Variants in BBS9 observed in about 807,000 individuals in gnomAD.
BBS9 encodes the protein protein PTHB1.
BBS9 carries 89 observed loss-of-function variants against 117.7 expected under a neutral mutation model. The observed-to-expected ratio is 0.76, with a 90% CI of 0.64 to 0.90. BBS9 has a LOEUF of 0.90. Ranked by LOEUF, BBS9 falls within the 40% of genes least tolerant of loss-of-function variation. The pLI, the probability that BBS9 is intolerant of heterozygous loss-of-function variation, is 0.00. For synonymous variants in BBS9, 379 were observed against 370.9 expected, an observed-to-expected ratio of 1.02 and a Z score of -0.25; for missense variants, 982 against 1,042.2, an observed-to-expected ratio of 0.94 and a Z score of 0.80.
At position 33,531,859 on chromosome 7, in the gene BBS9, CG is replaced by C. The variant is rs913247076; in HGVS notation, c.2299-2094del. 8.3e-4 allele frequency among the ~76,000 whole-genome samples: 126 copies of C among 152,260 alleles called. 2 individuals carry two copies. Among genetic ancestry groups the C allele is most frequent in the African/African-American group, 2.9e-3 (120 of 41,538 alleles). ...CAGCTATGCCTAGGCAGATGGTTGC[CG>C]TTGTATAAATGATCCTGGGAAAACC... is the stretch of plus-strand genomic sequence containing the variant. On this transcript the variant is annotated intron_variant, in intron 20 of 22. Transcript: ENST00000242067.
At chr7:33,243,023 C>T in intron 5 of BBS9, 5 of 516,992 alleles carry the variant, frequency 9.7e-6, no homozygotes, top group Non-Finnish European at 1.9e-5. Flanking sequence ...TCTTGACGTT[C>T]CCAAGTTATA....
chr7:33,634,798 G>A (rs1866064452), intron 21 of BBS9, among the ~76,000 whole-genome samples: 2 of 152,228 alleles, frequency 1.3e-5, no homozygotes, highest in African/African-American at 2.4e-5. Context: ...GTAAGAACTT[G>A]AAAGCCATCA....
intron 4 of BBS9, among the ~76,000 whole-genome samples, chr7:33,168,811 T>A (rs544439034): frequency 4.1e-4 from 62 of 152,298 alleles, no homozygotes; most frequent in African/African-American, 1.1e-3. Context: ...TGCTTTTTTT[T>A]ATTTATTTTT....
downstream of BBS9, among the ~76,000 whole-genome samples, chr7:33,608,522 T>C (rs1353757049): frequency 1.3e-5 from 2 of 152,100 alleles, no homozygotes; most frequent in Non-Finnish European, 2.9e-5. Context: ...CATTTCCTTT[T>C]CCCCACAGCC....
intron 21 of BBS9, among the ~76,000 whole-genome samples, chr7:33,584,598 G>A (rs111650856): frequency 0.042 from 6,353 of 151,868 alleles, 158 homozygotes; most frequent in South Asian, 0.056. Context: ...TTGAGATTCC[G>A]TTTTGATATA....
At chr7:33,563,019 G>A (rs1359593874) in intron 21 of BBS9, among the ~76,000 whole-genome samples, 1 of 152,150 alleles carries the variant, frequency 6.6e-6, no homozygotes, top group Non-Finnish European at 1.5e-5. Flanking sequence ...ATGTCATGTT[G>A]ATGCAATGGA....
intron 19 of BBS9, among the ~76,000 whole-genome samples, chr7:33,450,987 C>G (rs1164069034): frequency 6.6e-6 from 1 of 151,806 alleles, no homozygotes; most frequent in East Asian, 1.9e-4. Flanking sequence ...CTCCTGGGTT[C>G]ATGCCATTCT....
intron 9 of BBS9, among the ~76,000 whole-genome samples, chr7:33,278,288 G>A (rs1409837967): frequency 6.6e-6 from 1 of 152,172 alleles, no homozygotes; most frequent in East Asian, 1.9e-4. Context: ...CATAGTTGTG[G>A]TATGGGTTGC....
At chr7:33,241,047 G>C (rs1280623227) in intron 5 of BBS9, among the ~76,000 whole-genome samples, 3 of 152,096 alleles carry the variant, frequency 2.0e-5, no homozygotes, top group African/African-American at 7.2e-5. Context: ...ATGTTAATAA[G>C]GGTGTATCTT....
intron 19 of BBS9, among the ~76,000 whole-genome samples, chr7:33,496,486 C>A (rs1277688879): frequency 2.0e-5 from 3 of 148,942 alleles, no homozygotes; most frequent in East Asian, 3.9e-4. Flanking sequence ...GCCTGGGTGA[C>A]AGAGCAAGAC....
In BBS9 at chr7:33,264,290, G is replaced by A; in HGVS notation, c.618G>A (p.Lys206=). ...AATTTTTTAAATTTCTTTCATACAG[G>A]TACCAGGTACTTGCTTTTGCAACAG... ...VSSCQQVESY[K]YQVLAFATDA... is the part of the protein sequence containing the mutation. Residue 206 remains lysine, a splice_region_variant and synonymous_variant, in exon 7 of 23, where the codon AAG becomes AAA. Coordinates refer to ENST00000242067, the MANE Select transcript of BBS9 (RefSeq NM_198428.3). 4.6e-6 allele frequency: 7 copies of A among 1,519,256 alleles called. No individual in the cohort carries two copies. The highest frequency in any genetic ancestry group is 6.2e-6 in the Non-Finnish European group (7 of 1,127,708). The allele number at this position is 1,519,256 out of a possible 1,614,324, so 94.1% of individuals were successfully genotyped here.
At chr7:33,556,804 A>G (rs1855362935) in intron 21 of BBS9, among the ~76,000 whole-genome samples, 1 of 152,214 alleles carries the variant, frequency 6.6e-6, no homozygotes, top group South Asian at 2.1e-4. Flanking sequence ...TTATATTGCC[A>G]CATTAGCCAC....
chr7:33,309,773 TG>T lies in BBS9; in HGVS notation c.1017-26666del. Among the ~76,000 whole-genome samples, 3 of 152,302 alleles carry T rather than the reference TG, an allele frequency of 2.0e-5. No homozygotes were observed. The East Asian group carries it at 5.8e-4, about 29-fold the overall frequency. On this transcript the variant is annotated intron_variant, in intron 9 of 22. Transcript: ENST00000242067. ...AAATACTTAGAAGGATCCGGCCATG[TG>T]GTATTGGAGGTTACAGACTAGGGGT... is the stretch of plus-strand genomic sequence containing the variant.
chr7:33,603,122 T>G (rs1347874855), intron 21 of BBS9, among the ~76,000 whole-genome samples: 1 of 152,200 alleles, frequency 6.6e-6, no homozygotes, highest in African/African-American at 2.4e-5. Flanking sequence ...CGCTCTCATC[T>G]GTTGGCTGGG....
chr7:33,370,281 G>A (rs768252562), intron 17 of BBS9, among the ~76,000 whole-genome samples: 12 of 151,252 alleles, frequency 7.9e-5, no homozygotes, highest in Non-Finnish European at 1.5e-4. Flanking sequence ...AACATAGTGA[G>A]ACCTAGTCCC....
chr7:33,370,090 A>C (rs937738234), intron 17 of BBS9, among the ~76,000 whole-genome samples: 1 of 152,186 alleles, frequency 6.6e-6, no homozygotes, highest in Non-Finnish European at 1.5e-5. Context: ...AACAAGAGAA[A>C]AGTAAGGTGT....
At chr7:33,601,196 A>C (rs1264576737) in intron 21 of BBS9, among the ~76,000 whole-genome samples, 1 of 152,178 alleles carries the variant, frequency 6.6e-6, no homozygotes, top group Non-Finnish European at 1.5e-5. Flanking sequence ...CAGTAGGTCC[A>C]TGGGATTTTA....
intron 21 of BBS9, among the ~76,000 whole-genome samples, chr7:33,628,147 C>T (rs1337795650): frequency 6.6e-6 from 1 of 152,132 alleles, no homozygotes; most frequent in Non-Finnish European, 1.5e-5. Context: ...TCAGAGGAAA[C>T]ATTTCCACCT....
chr7:33,378,409 A>G (rs770504332), intron 17 of BBS9, among the ~76,000 whole-genome samples: 17 of 152,136 alleles, frequency 1.1e-4, no homozygotes, highest in Admixed American at 2.6e-4. Flanking sequence ...CTCTTTTATA[A>G]AGAGAATTTC....
Sources: allele counts gnomAD v4.1 joint callset (sites outside exome capture counted in the v4.1 genomes callset), GRCh38; gene constraint gnomAD v4.1.1; transcripts MANE v1.5; gene names NCBI Gene and HGNC (gene_info 2026-07-23, HGNC 2026-07-21).